The following FNDC3B variants were observed in gnomAD, a reference collection of about 807,000 sequenced individuals.
FNDC3B encodes fibronectin type III domain containing 3B.
Under a neutral mutation model 151.5 loss-of-function variants are expected in FNDC3B, and 12 were observed. The observed-to-expected ratio is 0.08, with a 90% CI of 0.05 to 0.13. The LOEUF is 0.13. Ranked by LOEUF, FNDC3B falls within the 10% of genes least tolerant of loss-of-function variation. FNDC3B has a pLI of 1.00. For missense variants in FNDC3B, 1,214 were observed against 1,505.3 expected (o/e 0.81, Z 3.20); for synonymous variants, 528 against 549.0 (o/e 0.96, Z 0.54).
At chr3:172,274,093 G>A (rs1378778018) in intron 6 of FNDC3B, among the ~76,000 whole-genome samples, 1 of 152,136 alleles carries the variant, frequency 6.6e-6, no homozygotes, top group Non-Finnish European at 1.5e-5. Flanking sequence ...GGGAGAAGAG[G>A]ACATATTACC....
chr3:172,133,175 T>C (rs1425032127), intron 2 of FNDC3B, among the ~76,000 whole-genome samples: 1 of 152,220 alleles, frequency 6.6e-6, no homozygotes, highest in Non-Finnish European at 1.5e-5. Context: ...AATTGTAGTT[T>C]CTAAATTTGT....
intron 10 of FNDC3B, among the ~76,000 whole-genome samples, chr3:172,309,285 G>A (rs1731345394): frequency 6.6e-6 from 1 of 152,178 alleles, no homozygotes; most frequent in Non-Finnish European, 1.5e-5. Context: ...GACGCTGAAA[G>A]CACTAAAGAT....
chr3:172,186,037 T>C (rs540645263), intron 3 of FNDC3B, among the ~76,000 whole-genome samples: 193 of 152,312 alleles, frequency 1.3e-3, no homozygotes, highest in African/African-American at 4.5e-3. Context: ...TACAAGTGTC[T>C]CAAGTGAGAG....
intron 11 of FNDC3B, among the ~76,000 whole-genome samples, chr3:172,326,013 A>G (rs1004385417): frequency 2.6e-5 from 4 of 152,010 alleles, no homozygotes; most frequent in African/African-American, 9.7e-5. Flanking sequence ...TTTAGTAGAG[A>G]CGGTGTTTCA....
At chr3:172,283,208 A>C (rs1729830299) in intron 6 of FNDC3B, among the ~76,000 whole-genome samples, 1 of 152,122 alleles carries the variant, frequency 6.6e-6, no homozygotes, top group African/African-American at 2.4e-5. Flanking sequence ...CTTTTACCTG[A>C]AACTCATTTT....
At chr3:172,197,494 A>G (rs1387610585) in intron 3 of FNDC3B, among the ~76,000 whole-genome samples, 3 of 152,196 alleles carry the variant, frequency 2.0e-5, no homozygotes, top group Non-Finnish European at 4.4e-5. Flanking sequence ...TGATGTCTAT[A>G]TTTCTACTGT....
At chr3:172,253,311 A>G (rs1728176025) in intron 6 of FNDC3B, among the ~76,000 whole-genome samples, 1 of 152,204 alleles carries the variant, frequency 6.6e-6, no homozygotes, top group African/African-American at 2.4e-5. Flanking sequence ...TGAGCCATAT[A>G]TTTTGTTTTC....
chr3:172,125,263 C>A (rs575027733), intron 2 of FNDC3B, among the ~76,000 whole-genome samples: 3 of 152,200 alleles, frequency 2.0e-5, no homozygotes, highest in Non-Finnish European at 4.4e-5. Flanking sequence ...GTGGTAGTGT[C>A]GGAAGGCCTG....
At chr3:172,137,540 C>T (rs1041640929) in intron 3 of FNDC3B, among the ~76,000 whole-genome samples, 2 of 152,110 alleles carry the variant, frequency 1.3e-5, no homozygotes, top group Admixed American at 1.3e-4. Context: ...CCTGTAGTCC[C>T]AGCTGCTCAG....
chr3:172,115,476 G>C (rs4894808), intron 2 of FNDC3B, among the ~76,000 whole-genome samples: 64,841 of 151,980 alleles, frequency 0.43, 14,023 homozygotes, highest in African/African-American at 0.5. Context: ...TTTGCTGCCT[G>C]CCCTTAAGAG....
intron 3 of FNDC3B, among the ~76,000 whole-genome samples, chr3:172,212,383 T>C (rs1338338955): frequency 6.6e-6 from 1 of 152,208 alleles, no homozygotes; most frequent in Non-Finnish European, 1.5e-5. Flanking sequence ...CTATTTATTT[T>C]TTACCGCGTT....
intron 1 of FNDC3B, among the ~76,000 whole-genome samples, chr3:172,097,704 CTG>C (rs1289723472): frequency 6.6e-6 from 1 of 152,184 alleles, no homozygotes; most frequent in African/African-American, 2.4e-5. Context: ...TATAATCTGA[CTG>C]TGTAAATTGC....
intron 11 of FNDC3B, among the ~76,000 whole-genome samples, chr3:172,315,928 C>T (rs929400123): frequency 3.3e-5 from 5 of 151,996 alleles, no homozygotes; most frequent in Non-Finnish European, 1.5e-5. Flanking sequence ...CTTTGACTGC[C>T]CATCTTTTTT....
At chr3:172,056,533 T>G (rs73879897) in intron 1 of FNDC3B, among the ~76,000 whole-genome samples, 3,435 of 152,338 alleles carry the variant, frequency 0.023, 129 homozygotes, top group African/African-American at 0.079. Context: ...CATCTGAGTT[T>G]GGAACTGTGC....
chr3:172,190,433 A>T (rs993765242), intron 3 of FNDC3B, among the ~76,000 whole-genome samples: 10 of 152,212 alleles, frequency 6.6e-5, no homozygotes, highest in Admixed American at 6.5e-4. Flanking sequence ...TCCAAATGCT[A>T]GGAATCGGAT....
intron 14 of FNDC3B, among the ~76,000 whole-genome samples, chr3:172,333,398 T>C (rs1363736102): frequency 6.6e-6 from 1 of 151,964 alleles, no homozygotes; most frequent in East Asian, 1.9e-4. Context: ...CTCGGCTCAC[T>C]GCAACCTCTG....
intron 2 of FNDC3B, among the ~76,000 whole-genome samples, chr3:172,120,101 A>T (rs187393152): frequency 6.6e-6 from 1 of 152,338 alleles, no homozygotes; most frequent in East Asian, 1.9e-4. Flanking sequence ...GTGTTGTTAT[A>T]TGTGGCACCC....
At chr3:172,166,612 A>G (rs541202652) in intron 3 of FNDC3B, among the ~76,000 whole-genome samples, 1 of 152,300 alleles carries the variant, frequency 6.6e-6, no homozygotes, top group Non-Finnish European at 1.5e-5. Context: ...ACTCTTAGCC[A>G]GGTACAGTGG....
chr3:172,171,844 A>G (rs577375661), intron 3 of FNDC3B, among the ~76,000 whole-genome samples: 29 of 152,096 alleles, frequency 1.9e-4, no homozygotes, highest in Middle Eastern at 3.4e-3. Context: ...GCAGATGTGT[A>G]CAGGGTTTTA....
Sources: allele counts gnomAD v4.1 joint callset (sites outside exome capture counted in the v4.1 genomes callset), GRCh38; gene constraint gnomAD v4.1.1; transcripts MANE v1.5; gene names NCBI Gene and HGNC (gene_info 2026-07-23, HGNC 2026-07-21).